Variants in MDFIC2 observed in about 807,000 individuals in gnomAD.
The protein encoded by MDFIC2 is MyoD family inhibitor domain containing 2.
At chr3:70,266,781 T>G (rs923820034) in intron 2 of MDFIC2, among the ~76,000 whole-genome samples, 1 of 152,102 alleles carries the variant, frequency 6.6e-6, no homozygotes, top group Admixed American at 6.5e-5. Flanking sequence ...CTATAGTATT[T>G]GAAACATGAA....
At chr3:70,220,815 G>C (rs1037464017) in intron 2 of MDFIC2, among the ~76,000 whole-genome samples, 2 of 152,144 alleles carry the variant, frequency 1.3e-5, no homozygotes, top group African/African-American at 4.8e-5. Flanking sequence ...TTGCACAAAA[G>C]AAGGTCATTT....
chr3:70,210,304 G>A (rs1323506904), intron 2 of MDFIC2, among the ~76,000 whole-genome samples: 1 of 152,104 alleles, frequency 6.6e-6, no homozygotes, highest in African/African-American at 2.4e-5. Flanking sequence ...CATTCATAAA[G>A]TTATTTTAAT....
intron 2 of MDFIC2, among the ~76,000 whole-genome samples, chr3:70,281,148 G>A (rs1702078781): frequency 2.0e-5 from 3 of 152,102 alleles, no homozygotes; most frequent in Admixed American, 2.0e-4. Flanking sequence ...GGGTAAAGAG[G>A]AAATTTTCTC....
rs573241633 is a variant in MDFIC2, at chr3:70,272,805, T to A, written c.88+39081A>T. The stretch of plus-strand genomic sequence containing the variant: ...TTGGAAAGCATAAATGAATATTGCT[T>A]GTTTCACGAAGTTAGAATTTTCTTT... On this transcript the variant is annotated intron_variant, in intron 2 of 3. Coordinates refer to ENST00000567252, the MANE Select transcript of MDFIC2 (RefSeq NM_001364677.1). Among the ~76,000 whole-genome samples the A allele has an allele frequency of 1.3e-4, 20 of 152,328 alleles. No individual in the cohort carries two copies. In the South Asian group the frequency reaches 3.9e-3, roughly 30 times the overall value.
At chr3:70,281,640 TC>T (rs1486415837) in intron 2 of MDFIC2, among the ~76,000 whole-genome samples, 6 of 152,134 alleles carry the variant, frequency 3.9e-5, no homozygotes, top group Middle Eastern at 3.2e-3. Context: ...ATTTTATGTC[TC>T]TCGGTATTTA....
chr3:70,287,239 C>G (rs982914790), intron 2 of MDFIC2, among the ~76,000 whole-genome samples: 1 of 138,930 alleles, frequency 7.2e-6, no homozygotes, highest in Non-Finnish European at 1.6e-5. Context: ...CCCATCAATA[C>G]CTAATTTATT....
At position 70,262,820 on chromosome 3, in the gene MDFIC2, CA is replaced by C. The variant is rs370650910; in HGVS notation, c.88+49065del. 9.3e-3 allele frequency among the ~76,000 whole-genome samples: 1,414 copies of C among 152,220 alleles called. 13 individuals carry two copies. The highest frequency in any genetic ancestry group is 0.015 in the Non-Finnish European group (1,023 of 68,014). On this transcript the variant is annotated intron_variant, in intron 2 of 3. Transcript: ENST00000567252. ...CATGTTCCATCTCTCTCCTCTCCTT[CA>C]AAACTATGTTAGATGACCTGATATT...
intron 3 of MDFIC2, among the ~76,000 whole-genome samples, chr3:70,199,962 C>A (rs1701222235): frequency 6.6e-6 from 1 of 152,206 alleles, no homozygotes; most frequent in Admixed American, 6.5e-5. Context: ...TCCTACAAAT[C>A]TGTTCCTCCT....
chr3:70,267,753 G>T (rs925475986), intron 2 of MDFIC2, among the ~76,000 whole-genome samples: 2 of 151,968 alleles, frequency 1.3e-5, no homozygotes, highest in Non-Finnish European at 2.9e-5. Flanking sequence ...CACAGTAAAA[G>T]ATTTCAGATA....
intron 2 of MDFIC2, among the ~76,000 whole-genome samples, chr3:70,242,107 A>C (rs1156686686): frequency 1.3e-5 from 2 of 152,194 alleles, no homozygotes; most frequent in Non-Finnish European, 2.9e-5. Context: ...TGCTATTGTG[A>C]CATATGTATA....
intron 2 of MDFIC2, among the ~76,000 whole-genome samples, chr3:70,288,248 G>C (rs565889052): frequency 3.8e-4 from 47 of 124,958 alleles, no homozygotes; most frequent in Admixed American, 5.7e-4. Flanking sequence ...CAGAGATTCT[G>C]GTATGTTGTG....
At chr3:70,247,366 G>A (rs892998985) in intron 2 of MDFIC2, among the ~76,000 whole-genome samples, 12 of 151,916 alleles carry the variant, frequency 7.9e-5, no homozygotes, top group East Asian at 1.9e-4. Flanking sequence ...TGGTTAATGC[G>A]GAGAGAGTTA....
chr3:70,280,388 T>C (rs1702068705), intron 2 of MDFIC2, among the ~76,000 whole-genome samples: 1 of 152,194 alleles, frequency 6.6e-6, no homozygotes, highest in African/African-American at 2.4e-5. Context: ...CCTGACATTC[T>C]GGGTGGCCAT....
chr3:70,290,982 C>T (rs1337185527), intron 2 of MDFIC2, among the ~76,000 whole-genome samples: 1 of 152,136 alleles, frequency 6.6e-6, no homozygotes, highest in Non-Finnish European at 1.5e-5. Flanking sequence ...TGAGATGAAC[C>T]CGGTACCTCA....
At chr3:70,219,626 C>T (rs6786870) in intron 2 of MDFIC2, among the ~76,000 whole-genome samples, 20,201 of 152,064 alleles carry the variant, frequency 0.13, 2,793 homozygotes, top group African/African-American at 0.36. Flanking sequence ...TCCAAAGGGA[C>T]ATGTGTGAAC....
At chr3:70,284,961 C>T (rs912259514) in intron 2 of MDFIC2, among the ~76,000 whole-genome samples, 1 of 152,078 alleles carries the variant, frequency 6.6e-6, no homozygotes, top group African/African-American at 2.4e-5. Context: ...TTTGAAGTTT[C>T]ATTAACAATG....
At chr3:70,302,484 A>G (rs560007742) in intron 2 of MDFIC2, 5 of 152,164 alleles carry the variant, frequency 3.3e-5, no homozygotes, top group Non-Finnish European at 7.4e-5. Context: ...TCTTTATACT[A>G]ATGTTGATTA....
At chr3:70,271,093 C>T (rs1443122845) in intron 2 of MDFIC2, among the ~76,000 whole-genome samples, 3 of 151,958 alleles carry the variant, frequency 2.0e-5, no homozygotes, top group Non-Finnish European at 4.4e-5. Context: ...GGCCATTTAT[C>T]GAAGCTGGGA....
rs147145317 is a variant in MDFIC2 at position 70,278,799 on chromosome 3, C to T, written c.88+33087G>A. On this transcript the variant is annotated intron_variant, in intron 2 of 3. Transcript: ENST00000567252. ...GGCCTTAACAAAGTCACTTATGTTT[C>T]CTATGCCTCAGATTCTTCTTCTATA... Among the ~76,000 whole-genome samples the T allele has an allele frequency of 2.1e-3, 327 of 152,108 alleles. 1 individual carries two copies. Among genetic ancestry groups the T allele is most frequent in the Non-Finnish European group, 3.7e-3 (252 of 67,982 alleles).
Sources: allele counts gnomAD v4.1 joint callset (sites outside exome capture counted in the v4.1 genomes callset), GRCh38; gene constraint gnomAD v4.1.1; transcripts MANE v1.5; gene names NCBI Gene and HGNC (gene_info 2026-07-23, HGNC 2026-07-21).